Variants in DIP2B observed in about 807,000 individuals in gnomAD.
DIP2B encodes disco-interacting protein 2 homolog B.
Under a neutral mutation model 198.0 loss-of-function variants are expected in DIP2B, and 76 were observed. The ratio of observed to expected loss-of-function variants is 0.38; its 90% CI spans 0.32 to 0.46. The LOEUF (loss-of-function observed/expected upper bound fraction) is 0.46. Ranked by LOEUF, DIP2B falls within the 20% of genes least tolerant of loss-of-function variation. DIP2B has a pLI of 0.99. For missense variants in DIP2B, 1,559 were observed against 1,978.4 expected (o/e 0.79, Z 4.02); for synonymous variants, 701 against 739.1 (o/e 0.95, Z 0.84).
intron 1 of DIP2B, among the ~76,000 whole-genome samples, chr12:50,560,772 A>T (rs1047848762): frequency 2.6e-5 from 4 of 152,130 alleles, no homozygotes; most frequent in East Asian, 1.9e-4. Context: ...AATAAATAAA[A>T]AAGTCTTTCT....
At chr12:50,699,890 A>C (rs1203189950) in intron 19 of DIP2B, among the ~76,000 whole-genome samples, 2 of 129,564 alleles carry the variant, frequency 1.5e-5, no homozygotes, top group African/African-American at 5.6e-5. Context: ...CACACACACA[A>C]CAAAACCAAA....
chr12:50,685,981 T>A, intron 11 of DIP2B, 25 bp downstream of exon 11: 1 of 1,603,986 alleles, frequency 6.2e-7, no homozygotes, highest in Non-Finnish European at 8.5e-7. Flanking sequence ...ACCTGAATTA[T>A]CAGTTAAAAG....
rs1013141275 is a variant in DIP2B at position 50,696,286 on chromosome 12, C to T, written c.1933+319C>T. 1.3e-5 allele frequency among the ~76,000 whole-genome samples: 2 copies of T among 152,196 alleles called. 1 individual carries two copies. Among genetic ancestry groups the T allele is most frequent in the Admixed American group, 1.3e-4 (2 of 15,264 alleles). ...TCTGAACATTTCTTATAAATGCAGT[C>T]ATGCAGTATGTGGTCTTTGTGATGG... On this transcript the variant is annotated intron_variant, in intron 16 of 37. Transcript: ENST00000301180.
intron 1 of DIP2B, among the ~76,000 whole-genome samples, chr12:50,561,060 A>T (rs1958515889): frequency 6.6e-6 from 1 of 152,220 alleles, no homozygotes; most frequent in Non-Finnish European, 1.5e-5. Flanking sequence ...CCCTATGCAC[A>T]TTAGATTGGC....
At chr12:50,520,942 A>C (rs528960466) in intron 1 of DIP2B, among the ~76,000 whole-genome samples, 2 of 152,034 alleles carry the variant, frequency 1.3e-5, no homozygotes, top group African/African-American at 4.8e-5. Context: ...ATTTGTAGCG[A>C]GTATTTTCCC....
chr12:50,536,176 T>C (rs920314718), intron 1 of DIP2B, among the ~76,000 whole-genome samples: 23 of 152,198 alleles, frequency 1.5e-4, no homozygotes, highest in African/African-American at 5.5e-4. Flanking sequence ...CATGTGTCTT[T>C]ATAGCAGCAT....
At chr12:50,579,427 A>C (rs549232836) in intron 1 of DIP2B, among the ~76,000 whole-genome samples, 98 of 151,322 alleles carry the variant, frequency 6.5e-4, no homozygotes, top group Non-Finnish European at 8.1e-4. Flanking sequence ...AGCCTGGGCA[A>C]CATGGTGAAA....
intron 14 of DIP2B, among the ~76,000 whole-genome samples, chr12:50,694,988 A>G (rs773647559): frequency 1.3e-5 from 2 of 152,188 alleles, no homozygotes; most frequent in South Asian, 2.1e-4. Context: ...ATATATTTCT[A>G]TGGGAACAAA....
At chr12:50,710,869 T>C (rs1442368086) in intron 22 of DIP2B, among the ~76,000 whole-genome samples, 1 of 152,136 alleles carries the variant, frequency 6.6e-6, no homozygotes, top group Non-Finnish European at 1.5e-5. Context: ...ATGAAGAAGG[T>C]AGAACGGGGC....
At chr12:50,744,499 G>A (rs1042915483) in intron 37 of DIP2B, 88 bp from the exon 38 acceptor site, 11 of 1,556,646 alleles carry the variant, frequency 7.1e-6, no homozygotes, top group African/African-American at 2.7e-5. Flanking sequence ...GGGAGAAGGC[G>A]GGGAAATGGG....
At chr12:50,600,918 CCA>C (rs1491269818) in intron 1 of DIP2B, among the ~76,000 whole-genome samples, 7 of 148,518 alleles carry the variant, frequency 4.7e-5, no homozygotes, top group Non-Finnish European at 9.0e-5. Context: ...ACCACCACCA[CCA>C]CCACCACCAC....
At chr12:50,739,617 G>A (rs375180962) in intron 36 of DIP2B, 31 bp downstream of exon 36, 62 of 1,608,878 alleles carry the variant, frequency 3.9e-5, no homozygotes, top group Non-Finnish European at 4.9e-5. Flanking sequence ...CATTGACCCT[G>A]CTTTGTGTTT....
rs574938327 is a variant in DIP2B at position 50,505,001 on chromosome 12, T to TGGCGGCGGCGGC, written c.-128_-117dup. 2.3e-3 allele frequency: 1,506 copies of TGGCGGCGGCGGC among 650,830 alleles called. 63 individuals carry two copies. The highest frequency in any genetic ancestry group is 9.8e-3 in the Middle Eastern group (22 of 2,256). The allele number at this position is 650,830 out of a possible 1,614,324, so 40.3% of individuals were successfully genotyped here. A position where few individuals can be genotyped will look rare whatever the true frequency, so the allele number is the denominator to read the frequency against. ...GTCGCGCTCACGTGACCTTTGCTCA[T>TGGCGGCGGCGGC]GGCGGCGGCGGCGGCGGCGGCGGTG... On this transcript the variant is annotated 5_prime_UTR_variant, in exon 1 of 38. Transcript: ENST00000301180.
chr12:50,599,127 C>CA (rs1958913895), intron 1 of DIP2B, among the ~76,000 whole-genome samples: 2 of 144,526 alleles, frequency 1.4e-5, no homozygotes, highest in African/African-American at 5.1e-5. Context: ...CCATCTCTAC[C>CA]AAAAAAATAC....
chr12:50,718,560 A>G (rs567788618), intron 23 of DIP2B, 149 bp from the exon 24 acceptor site: 3 of 656,088 alleles, frequency 4.6e-6, no homozygotes, highest in South Asian at 3.8e-5. Context: ...TCTTTGCCCT[A>G]TTTGCTCCTG....
intron 3 of DIP2B, among the ~76,000 whole-genome samples, chr12:50,659,475 GTT>G (rs374355770): frequency 4.3e-5 from 6 of 141,108 alleles, no homozygotes; most frequent in African/African-American, 7.8e-5. Flanking sequence ...TTTTGTAAGA[GTT>G]TTTTTTTTTT....
chr12:50,661,928 A>T (rs565287932), intron 4 of DIP2B, among the ~76,000 whole-genome samples: 59 of 152,332 alleles, frequency 3.9e-4, no homozygotes, highest in African/African-American at 1.4e-3. Context: ...GAATGCTCAG[A>T]AGGAGTGGAA....
At chr12:50,506,552 A>G (rs748179559) in intron 1 of DIP2B, among the ~76,000 whole-genome samples, 9 of 152,162 alleles carry the variant, frequency 5.9e-5, no homozygotes, top group Non-Finnish European at 1.3e-4. Context: ...CCTGTACTTA[A>G]CTATCAACAT....
At chr12:50,538,097 C>T (rs764546097) in intron 1 of DIP2B, among the ~76,000 whole-genome samples, 5 of 151,936 alleles carry the variant, frequency 3.3e-5, no homozygotes, top group African/African-American at 7.3e-5. Context: ...GGGAAAGAGA[C>T]AGAGGAAAGA....
Sources: gnomAD v4.1 joint callset for allele counts (sites outside exome capture counted in the v4.1 genomes callset) on GRCh38, gnomAD v4.1.1 for gene constraint, MANE v1.5 for transcripts, NCBI Gene and HGNC (gene_info 2026-07-23, HGNC 2026-07-21) for gene names.